The following TYW1B variants were observed in gnomAD, a reference collection of about 807,000 sequenced individuals.
TYW1B encodes the protein tRNA-yW synthesizing protein 1 homolog B, also known as S-adenosyl-L-methionine-dependent tRNA 4-demethylwyosine synthase TYW1B.
In TYW1B, 73 loss-of-function variants were observed where a neutral mutation model predicts 86.9. The ratio of observed to expected loss-of-function variants is 0.84; its 90% CI spans 0.70 to 1.02. The LOEUF (loss-of-function observed/expected upper bound fraction) is 1.02. TYW1B is among the 50% of genes least tolerant of loss of function. The pLI, the probability that TYW1B is intolerant of heterozygous loss-of-function variation, is 0.00. For synonymous variants in TYW1B, 248 were observed against 292.8 expected, an observed-to-expected ratio of 0.85 and a Z score of 1.56; for missense variants, 637 against 827.4, an observed-to-expected ratio of 0.77 and a Z score of 2.82.
In TYW1B at chr7:72,800,739, T is replaced by C. The variant is rs1478610009; in HGVS notation, c.846+1661A>G. Among the ~76,000 whole-genome samples the C allele has an allele frequency of 5.4e-5, 8 of 147,184 alleles. No individual in the cohort carries two copies. In the East Asian group the frequency reaches 8.0e-4, roughly 15 times the overall value. On this transcript the variant is annotated intron_variant, in intron 6 of 13. Coordinates refer to ENST00000620995, the MANE Select transcript of TYW1B (RefSeq NM_001145440.3). ...AAAAAAAAAAAAAGGCAGACCTGGC[T>C]GGGTGTGGCGGCTCATCCTTCTCAT... is the stretch of plus-strand genomic sequence containing the variant.
At chr7:72,714,020 G>A (rs2258837) in intron 9 of TYW1B, among the ~76,000 whole-genome samples, 77,960 of 145,618 alleles carry the variant, frequency 0.54, 22,988 homozygotes, top group Non-Finnish European at 0.66. Flanking sequence ...ATCAATACAA[G>A]CAGGCAAAAC....
intron 11 of TYW1B, among the ~76,000 whole-genome samples, chr7:72,642,446 T>C (rs1254522049): frequency 1.3e-5 from 2 of 152,232 alleles, no homozygotes; most frequent in Non-Finnish European, 2.9e-5. Flanking sequence ...CTCGTAAGTG[T>C]GAACTGAAAC....
intron 11 of TYW1B, among the ~76,000 whole-genome samples, chr7:72,673,694 A>G (rs1199159770): frequency 6.6e-6 from 1 of 152,200 alleles, no homozygotes; most frequent in Non-Finnish European, 1.5e-5. Flanking sequence ...ATAGCACAAC[A>G]GGTTGACTAT....
At chr7:72,798,291 T>C (rs1245609423) in intron 6 of TYW1B, among the ~76,000 whole-genome samples, 21 of 151,502 alleles carry the variant, frequency 1.4e-4, no homozygotes, top group Admixed American at 7.9e-4. Flanking sequence ...CTCGGGAGGC[T>C]GAGGCAGGAG....
intron 8 of TYW1B, among the ~76,000 whole-genome samples, chr7:72,741,954 G>A (rs1787311351): frequency 6.6e-6 from 1 of 152,162 alleles, no homozygotes; most frequent in Admixed American, 6.6e-5. Context: ...GGAGTTCACT[G>A]CTAACAGACC....
At chr7:72,756,572 G>A (rs1787593620) in intron 7 of TYW1B, among the ~76,000 whole-genome samples, 1 of 152,108 alleles carries the variant, frequency 6.6e-6, no homozygotes. Flanking sequence ...TATCAGTAAA[G>A]AGACTGAGTT....
chr7:72,777,518 G>A lies in TYW1B; in HGVS notation c.862C>T (p.Gln288Ter). The A allele has an allele frequency of 6.2e-7, 1 of 1,613,652 alleles. No homozygotes were observed. The highest frequency in any genetic ancestry group is 8.5e-7 in the Non-Finnish European group (1 of 1,179,894). The change falls in exon 7 of 14, where the codon CAG (glutamine) becomes TAG (stop). Residue 288 changes from glutamine to a stop codon, truncating the protein, a stop_gained. Transcript: ENST00000620995. LOFTEE classifies it high-confidence loss of function. ...VKKEKREKEQQEEKSGLFRNM... is the reference protein window; with the variant it reads ...VKKEKREKEQ ...CTGAACAAACCAGACTTCTCTTCCT[G>A]CTGTTCCTTTTCTCTCTGCATTAAA... is the stretch of plus-strand genomic sequence containing the variant.
intron 10 of TYW1B, among the ~76,000 whole-genome samples, chr7:72,696,438 ATT>A (rs1266383257): frequency 2.0e-5 from 3 of 152,200 alleles, no homozygotes; most frequent in African/African-American, 7.2e-5. Flanking sequence ...AGTTTTATGC[ATT>A]TTTTGTTTCA....
At chr7:72,817,774 T>C (rs1206272931) in intron 2 of TYW1B, among the ~76,000 whole-genome samples, 1 of 152,150 alleles carries the variant, frequency 6.6e-6, no homozygotes, top group Non-Finnish European at 1.5e-5. Flanking sequence ...CTTGGGTTTT[T>C]ATTAAGCTAG....
chr7:72,826,503 A>G (rs1788931536), intron 2 of TYW1B, among the ~76,000 whole-genome samples: 1 of 152,192 alleles, frequency 6.6e-6, no homozygotes, highest in Admixed American at 6.6e-5. Flanking sequence ...CCTATAAGGT[A>G]TTTTAGTAGA....
chr7:72,782,526 G>A (rs782640327), intron 6 of TYW1B, among the ~76,000 whole-genome samples: 3 of 152,068 alleles, frequency 2.0e-5, no homozygotes, highest in Non-Finnish European at 2.9e-5. Context: ...GAGTCTTTCT[G>A]ATTGTTTGAT....
intron 10 of TYW1B, among the ~76,000 whole-genome samples, chr7:72,698,915 A>T (rs1814390384): frequency 6.6e-6 from 1 of 152,218 alleles, no homozygotes; most frequent in African/African-American, 2.4e-5. Context: ...TCAGGAAGAA[A>T]TTCTGAACTT....
At chr7:72,756,289 C>T (rs937321550) in intron 7 of TYW1B, among the ~76,000 whole-genome samples, 4 of 151,120 alleles carry the variant, frequency 2.6e-5, no homozygotes, top group South Asian at 2.1e-4. Context: ...GTCTGGAATG[C>T]GGTGGCATGA....
intron 13 of TYW1B, among the ~76,000 whole-genome samples, chr7:72,608,032 G>A (rs573697960): frequency 1.3e-5 from 2 of 152,234 alleles, no homozygotes; most frequent in East Asian, 3.9e-4. Context: ...TACCAGAGAA[G>A]TCAGAAAGAA....
At chr7:72,777,205 GTAA>G (rs1211999875) in intron 7 of TYW1B, among the ~76,000 whole-genome samples, 5 of 152,114 alleles carry the variant, frequency 3.3e-5, no homozygotes, top group Admixed American at 6.6e-5. Context: ...CACACTGATA[GTAA>G]TATCCCAATA....
chr7:72,750,223 T>A (rs1419356708), intron 7 of TYW1B, among the ~76,000 whole-genome samples: 1 of 152,186 alleles, frequency 6.6e-6, no homozygotes, highest in Non-Finnish European at 1.5e-5. Context: ...TGAAGAACTT[T>A]CTTTAGCCAA....
rs183514913 is a variant in TYW1B at position 72,669,678 on chromosome 7, G to C, written c.1506+25009C>G. Among the ~76,000 whole-genome samples the C allele has an allele frequency of 2.1e-3, 325 of 152,148 alleles. 1 individual carries two copies. The highest frequency in any genetic ancestry group is 4.0e-3 in the Non-Finnish European group (269 of 68,002). On this transcript the variant is annotated intron_variant, in intron 11 of 13. Transcript: ENST00000620995. ...CCAGCTACTTGGGAAGCTGAGGCAGGAGAATTTCTTGAACCCGGGAGGCAG... is the reference window on the plus strand; with the variant it reads ...CCAGCTACTTGGGAAGCTGAGGCAGCAGAATTTCTTGAACCCGGGAGGCAG...
At chr7:72,628,099 C>T (rs1563036505) in intron 12 of TYW1B, among the ~76,000 whole-genome samples, 1 of 151,974 alleles carries the variant, frequency 6.6e-6, no homozygotes, top group East Asian at 1.9e-4. Context: ...TGAGACCAGC[C>T]TGGGCAAAAC....
At chr7:72,786,762 A>G (rs1788137357) in intron 6 of TYW1B, among the ~76,000 whole-genome samples, 1 of 151,762 alleles carries the variant, frequency 6.6e-6, no homozygotes, top group African/African-American at 2.4e-5. Context: ...TTTTGTAGAG[A>G]CAGGGTTTCG....
Sources: allele counts gnomAD v4.1 joint callset (sites outside exome capture counted in the v4.1 genomes callset), GRCh38; gene constraint gnomAD v4.1.1; transcripts MANE v1.5; gene names NCBI Gene and HGNC (gene_info 2026-07-23, HGNC 2026-07-21).